The following SERPINB5 variants were observed in gnomAD, a reference collection of about 807,000 sequenced individuals.
SERPINB5 encodes serpin B5.
SERPINB5 carries 27 observed loss-of-function variants against 32.2 expected under a neutral mutation model. The ratio of observed to expected loss-of-function variants is 0.84; its 90% CI spans 0.62 to 1.16. The LOEUF (loss-of-function observed/expected upper bound fraction) is 1.16. SERPINB5 is among the 50% of genes most tolerant of loss of function. The pLI is 0.00. For missense variants in SERPINB5, 388 were observed against 436.3 expected (o/e 0.89, Z 0.99); for synonymous variants, 154 against 157.4 (o/e 0.98, Z 0.16).
chr18:63,492,098 G>A, intron 4 of SERPINB5, among the ~76,000 whole-genome samples: 1 of 152,144 alleles, frequency 6.6e-6, no homozygotes, highest in East Asian at 1.9e-4. Flanking sequence ...TTGGAGATTA[G>A]GTGAATGAAA....
intron 3 of SERPINB5, among the ~76,000 whole-genome samples, chr18:63,488,615 G>C (rs1200413818): frequency 6.6e-6 from 1 of 152,088 alleles, no homozygotes; most frequent in East Asian, 1.9e-4. Context: ...GTGTTAAAAG[G>C]GCAAGTTCTT....
intron 5 of SERPINB5, chr18:63,497,186 C>T (rs1307290393): frequency 5.9e-6 from 4 of 677,468 alleles, no homozygotes; most frequent in Non-Finnish European, 1.1e-5. Flanking sequence ...ATTGACACCG[C>T]AGCCAAGTTT....
rs1909504570 is a variant in SERPINB5 at position 63,498,804 on chromosome 18, T to C, written c.568-316T>C. On this transcript the variant is annotated intron_variant, in intron 5 of 6. Coordinates refer to ENST00000382771, the MANE Select transcript of SERPINB5 (RefSeq NM_002639.5). This position sits in a 1 kb window ranked among gnomAD's most constrained non-coding sequence, Gnocchi z 4.2. ...GTGTTTGCCTATATATGTGTATATA[T>C]GTGCATGTGTGTATATATGTATGGG... Among the ~76,000 whole-genome samples the C allele has an allele frequency of 6.6e-6, 1 of 150,984 alleles. No homozygotes were observed. Among genetic ancestry groups the C allele is most frequent in the South Asian group, 2.1e-4 (1 of 4,800 alleles).
chr18:63,499,334 C>A (rs774561352), intron 6 of SERPINB5, 47 bp downstream of exon 6: 3 of 1,419,862 alleles, frequency 2.1e-6, no homozygotes, highest in Admixed American at 2.4e-5. Flanking sequence ...CCTGCCTTGG[C>A]AAAGAGTTGT....
chr18:63,483,565 G>T (rs753276854), intron 1 of SERPINB5, among the ~76,000 whole-genome samples: 5 of 152,238 alleles, frequency 3.3e-5, no homozygotes, highest in Non-Finnish European at 7.3e-5. Flanking sequence ...GACGATGTCG[G>T]CAGGGTCATG....
At chr18:63,484,766 G>C (rs1183451290) in intron 2 of SERPINB5, among the ~76,000 whole-genome samples, 170 bp downstream of exon 2, 1 of 12,464 alleles carries the variant, frequency 8.0e-5, no homozygotes, top group Non-Finnish European at 1.7e-4. Flanking sequence ...TTTTTTTTGT[G>C]AGACAGGGTC....
chr18:63,493,239 A>G (rs1302961643), intron 5 of SERPINB5, 144 bp downstream of exon 5: 1 of 1,018,574 alleles, frequency 9.8e-7, no homozygotes, highest in Middle Eastern at 2.2e-4. Context: ...AACAGCTGGA[A>G]GGTAAGTGGT....
In SERPINB5 at chr18:63,484,549, C is replaced by T. The variant is rs768775723; in HGVS notation, c.121C>T (p.Leu41Phe). ...AATCTGTCTCTCCACCTCTCTGTCACTTGCTCAAGTGGGTGCTAAAGGTGA... is the reference window on the plus strand; with the variant it reads ...AATCTGTCTCTCCACCTCTCTGTCATTTGCTCAAGTGGGTGCTAAAGGTGA... The part of the protein sequence containing the change: ...SPICLSTSLS[L>F]AQVGAKGDTA... The change falls in exon 2 of 7, where the codon CTT becomes TTT. Residue 41 changes from leucine (L) to phenylalanine (F), a missense_variant. Leu to Phe is a conservative substitution (Grantham distance 22). Transcript: ENST00000382771. 2.5e-6 allele frequency: 4 copies of T among 1,614,044 alleles called. No individual in the cohort carries two copies. The highest frequency in any genetic ancestry group is 2.7e-5 in the African/African-American group (2 of 74,930).
chr18:63,490,487 C>T (rs1048236434), intron 4 of SERPINB5: 5 of 152,170 alleles, frequency 3.3e-5, no homozygotes, highest in Non-Finnish European at 5.9e-5. Context: ...TCTGGAGGGA[C>T]CCGTTGGGAG....
intron 1 of SERPINB5, among the ~76,000 whole-genome samples, chr18:63,484,062 A>C (rs1917166124): frequency 6.6e-6 from 1 of 152,218 alleles, no homozygotes; most frequent in Non-Finnish European, 1.5e-5. Flanking sequence ...TGAAATCCTA[A>C]TGGAAACAAT....
rs372972017 is a variant in SERPINB5 at position 63,503,599 on chromosome 18, G to C, written c.1005G>C (p.Glu335Asp). ...EITEDGGDSI[E>D]VPGARILQHK... ...CTGAAGATGGTGGGGATTCCATAGA[G>C]GTGCCAGGAGCACGGATCCTGCAGC... Residue 335 changes from glutamate to aspartate, a missense_variant, in exon 7 of 7, where the codon GAG becomes GAC. Transcript: ENST00000382771. 1.7e-4 allele frequency: 272 copies of C among 1,614,192 alleles called. 5 individuals are homozygous for C. The South Asian group carries it at 2.8e-3, about 17-fold the overall frequency.
intron 2 of SERPINB5, chr18:63,486,115 A>G (rs1188833258): frequency 6.6e-6 from 1 of 152,232 alleles, no homozygotes; most frequent in Non-Finnish European, 1.5e-5. Context: ...GTTTGAATCC[A>G]TATAATATTT....
rs996489259 is a variant in SERPINB5, at chr18:63,498,850, T to C, written c.568-270T>C. On this transcript the variant is annotated intron_variant, in intron 5 of 6. Transcript: ENST00000382771. This position sits in a 1 kb window ranked among gnomAD's most constrained non-coding sequence, Gnocchi z 4.2. The stretch of plus-strand genomic sequence containing the variant: ...ATGGGGTATATATATATAGTATGTA[T>C]ATATAAGTGTGTATATATAGGTGTG... Among the ~76,000 whole-genome samples, 7 of 103,322 alleles carry C rather than the reference T, an allele frequency of 6.8e-5. No homozygotes were observed. The highest frequency in any genetic ancestry group is 1.5e-4 in the Non-Finnish European group (6 of 41,262). 67.8% of individuals were successfully genotyped at this position (103,322 alleles called of 152,430 possible).
chr18:63,491,430 A>G (rs1465725164), intron 4 of SERPINB5, among the ~76,000 whole-genome samples: 1 of 146,930 alleles, frequency 6.8e-6, no homozygotes, highest in African/African-American at 2.5e-5. Flanking sequence ...AAAAAAAAAG[A>G]ATAATGGTCT....
intron 1 of SERPINB5, among the ~76,000 whole-genome samples, chr18:63,482,465 C>G (rs1430271329): frequency 1.3e-5 from 2 of 152,184 alleles, no homozygotes; most frequent in Non-Finnish European, 1.5e-5. Flanking sequence ...AATCCCTGTA[C>G]TGCTCACCCC....
Position 63,483,371 on chromosome 18 carries a change from C to G in SERPINB5, c.-7-1051C>G, listed in dbSNP as rs115038803. Among the ~76,000 whole-genome samples, 1,050 of 152,284 alleles carry G rather than the reference C, an allele frequency of 6.9e-3. 10 individuals are homozygous for G. The highest frequency in any genetic ancestry group is 0.025 in the African/African-American group (1,027 of 41,540). On this transcript the variant is annotated intron_variant, in intron 1 of 6. Transcript: ENST00000382771. Reference sequence around the variant, plus strand: ...CTGGGTAGTGTCTTACACACAGATGCGTATTATAAACGCAAACAATAACCG... The same window carrying G: ...CTGGGTAGTGTCTTACACACAGATGGGTATTATAAACGCAAACAATAACCG...
chr18:63,485,709 G>A (rs1394747954), intron 2 of SERPINB5: 1 of 152,324 alleles, frequency 6.6e-6, no homozygotes, highest in African/African-American at 2.4e-5. Context: ...GCTCTTCTCA[G>A]TATATGCAAC....
intron 6 of SERPINB5, 93 bp downstream of exon 6, chr18:63,499,380 G>A (rs78003323): frequency 7.9e-6 from 9 of 1,142,418 alleles, no homozygotes; most frequent in Admixed American, 3.3e-5. Flanking sequence ...GAGCTGGGCC[G>A]GTAGCCCTCC....
intron 4 of SERPINB5, among the ~76,000 whole-genome samples, chr18:63,490,016 C>T (rs1028242548): frequency 6.6e-6 from 1 of 152,132 alleles, no homozygotes; most frequent in Non-Finnish European, 1.5e-5. Flanking sequence ...CACGGTGAAA[C>T]CCTGTCTCTA....
Sources: allele counts gnomAD v4.1 joint callset (sites outside exome capture counted in the v4.1 genomes callset), GRCh38; gene constraint gnomAD v4.1.1; non-coding constraint Gnocchi (gnomAD v3.1); transcripts MANE v1.5; gene names NCBI Gene and HGNC (gene_info 2026-07-23, HGNC 2026-07-21).